The following ODAD3 variants were observed in gnomAD, a reference collection of about 807,000 sequenced individuals.
ODAD3 encodes the protein outer dynein arm docking complex subunit 3.
In ODAD3, 57 loss-of-function variants were observed where a neutral mutation model predicts 70.9. The ratio of observed to expected loss-of-function variants is 0.80; its 90% confidence interval spans 0.65 to 1.00. ODAD3 has a LOEUF of 1.00. Ranked by LOEUF, ODAD3 falls within the 50% of genes least tolerant of loss-of-function variation. The pLI, the probability that ODAD3 is intolerant of heterozygous loss-of-function variation, is 0.00. For missense variants in ODAD3, 797 were observed against 763.9 expected, an observed-to-expected ratio of 1.04 and a Z score of -0.51; for synonymous variants, 327 against 315.9, an observed-to-expected ratio of 1.04 and a Z score of -0.37.
rs368618743 is a variant in ODAD3, at chr19:11,430,798, C to A, written c.367-22G>T. ...CTCCCTGCAAGGAGGGAAGTCCAGT[C>A]ACCTTTCAGCATGCCACCTCCAGCT... On this transcript the variant is annotated intron_variant, in intron 2 of 12. Coordinates refer to ENST00000356392, the MANE Select transcript of ODAD3 (RefSeq NM_145045.5). 2.5e-6 allele frequency: 4 copies of A among 1,613,966 alleles called. No homozygotes were observed. The African/African-American group carries it at 5.3e-5, about 22-fold the overall frequency.
rs542233343 is a variant in ODAD3, at chr19:11,429,836, C to A, written c.444+863G>T. On this transcript the variant is annotated intron_variant, in intron 3 of 12. Transcript: ENST00000356392. ...TACGGGCGTGAGCCACCGCGCCCAG[C>A]CTTTTTTTTTTTTTTTTTTAAAGAA... Among the ~76,000 whole-genome samples, 522 of 149,244 alleles carry A rather than the reference C, an allele frequency of 3.5e-3. 3 individuals carry two copies. Among genetic ancestry groups the A allele is most frequent in the African/African-American group, 0.012 (496 of 40,082 alleles).
chr19:11,434,470 G>A (rs1337931885), intron 1 of ODAD3: 10 of 188,408 alleles, frequency 5.3e-5, no homozygotes, highest in African/African-American at 2.1e-4. Context: ...CCCGGGAGGC[G>A]GAGGTTGCAG....
intron 3 of ODAD3, 38 bp from the exon 4 acceptor site, chr19:11,427,078 A>C (rs1198291381): frequency 1.3e-6 from 2 of 1,513,726 alleles, no homozygotes; most frequent in South Asian, 1.2e-5. Flanking sequence ...GAGCCTCAAC[A>C]CCCTACCCCG....
intron 3 of ODAD3, among the ~76,000 whole-genome samples, chr19:11,428,393 C>T (rs1969431879): frequency 6.6e-6 from 1 of 152,156 alleles, no homozygotes; most frequent in South Asian, 2.1e-4. Flanking sequence ...AGATGCATGC[C>T]ACGACGCCTG....
At chr19:11,423,733 A>C (rs1969195761) in intron 8 of ODAD3, 144 bp downstream of exon 8, 1 of 789,844 alleles carries the variant, frequency 1.3e-6, no homozygotes, top group Non-Finnish European at 1.9e-6. Flanking sequence ...GATGTTTTTC[A>C]AGAAAGGAGC....
intron 1 of ODAD3, among the ~76,000 whole-genome samples, chr19:11,431,870 G>A (rs1354167076): frequency 2.7e-5 from 4 of 150,462 alleles, no homozygotes; most frequent in Non-Finnish European, 5.9e-5. Context: ...GTGAACCTGG[G>A]AGGCAGAGCT....
At chr19:11,425,063 GTA>G (rs1255934309) in intron 7 of ODAD3, among the ~76,000 whole-genome samples, 7 of 123,034 alleles carry the variant, frequency 5.7e-5, no homozygotes, top group South Asian at 4.8e-4. Context: ...GTGTATATGT[GTA>G]TATATGTATA....
At chr19:11,430,459 T>C in intron 3 of ODAD3, 1 of 523,088 alleles carries the variant, frequency 1.9e-6, no homozygotes. Context: ...TTTTTTAACT[T>C]GTTTTCCCTA....
At position 11,426,778 on chromosome 19, in the gene ODAD3, G is replaced by T; in HGVS notation, c.619C>A (p.Arg207=). 2 of 1,613,852 alleles carry T rather than the reference G, an allele frequency of 1.2e-6. No individual in the cohort carries two copies. The highest frequency in any genetic ancestry group is 1.7e-6 in the Non-Finnish European group (2 of 1,179,900). Residue 207 remains arginine, a synonymous_variant, in exon 5 of 13, where the codon CGG becomes AGG. Coordinates refer to ENST00000356392, the MANE Select transcript of ODAD3 (RefSeq NM_145045.5). ...TTCTCCAGGCGGTTCTCCAGGTTCC[G>T]CATGGTCTGGAGAGCAGCAGGGCTG... ...NRHTEVAKTM[R]NLENRLEKAQ...
rs117589644 is a variant in ODAD3 at position 11,429,934 on chromosome 19, C to T, written c.444+765G>A. ...CTCATTATAGTCTCAAACTTCTAGG[C>T]TCATGCAATCCTCCAGCCTCAGCCT... On this transcript the variant is annotated intron_variant, in intron 3 of 12. Coordinates refer to ENST00000356392, the MANE Select transcript of ODAD3 (RefSeq NM_145045.5). 4.5e-3 allele frequency among the ~76,000 whole-genome samples: 669 copies of T among 149,988 alleles called. 3 individuals are homozygous for T. The highest frequency in any genetic ancestry group is 7.2e-3 in the Non-Finnish European group (486 of 67,634).
At chr19:11,430,579 G>A (rs1334372508) in intron 3 of ODAD3, 120 bp downstream of exon 3, 3 of 907,452 alleles carry the variant, frequency 3.3e-6, no homozygotes, top group Non-Finnish European at 5.5e-6. Context: ...AGATTTAATT[G>A]AATGAGCACA....
chr19:11,421,684 T>A lies in ODAD3; in HGVS notation c.1583A>T (p.Asn528Ile), dbSNP rs375632703. The A allele has an allele frequency of 6.2e-7, 1 of 1,611,990 alleles. No homozygotes were observed. The highest frequency in any genetic ancestry group is 8.5e-7 in the Non-Finnish European group (1 of 1,179,122). ...CCCATGGCTGCAGGGCACCTCGCGG[T>A]TAGCGATGTGGCACAGCATCTCCTG... ...DVQEMLCHIA[N>I]REFLASLEGR... The change falls in exon 11 of 13, where the codon AAC (asparagine) becomes ATC (isoleucine). Residue 528 changes from asparagine to isoleucine, a missense_variant. Physicochemically the swap from Asn to Ile is moderately radical, Grantham distance 149. Coordinates refer to ENST00000356392, the MANE Select transcript of ODAD3 (RefSeq NM_145045.5).
upstream of ODAD3, chr19:11,435,528 T>G: frequency 2.1e-6 from 1 of 484,256 alleles, no homozygotes; most frequent in South Asian, 1.8e-5. Context: ...CCGTCTCGGC[T>G]CTGGCACCGC....
chr19:11,426,165 C>T lies in ODAD3; in HGVS notation c.942G>A (p.Glu314=). The T allele has an allele frequency of 6.2e-7, 1 of 1,611,974 alleles. No individual in the cohort carries two copies. The highest frequency in any genetic ancestry group is 8.5e-7 in the Non-Finnish European group (1 of 1,179,570). Residue 314 remains glutamate, a synonymous_variant, in exon 7 of 13, where the codon GAG becomes GAA. Coordinates refer to ENST00000356392, the MANE Select transcript of ODAD3 (RefSeq NM_145045.5). ...CCACCTTGCGCTCCATGCGCTCGTT[C>T]TCCAGTTTCTTCTCCTCGGCGCGCT... is the stretch of plus-strand genomic sequence containing the variant. ...CKKRAEEKKL[E]NERMERKTHR...
rs371374600 is a variant in ODAD3 at position 11,421,937 on chromosome 19, G to A, written c.1435-105C>T. ...TCGGGGGCGGGGCCTAGGAGGTAAGGGCCCACCTGCAGGGTCGATCCTAGC... is the reference window on the plus strand; with the variant it reads ...TCGGGGGCGGGGCCTAGGAGGTAAGAGCCCACCTGCAGGGTCGATCCTAGC... On this transcript the variant is annotated intron_variant, in intron 10 of 12. Transcript: ENST00000356392. 12 of 1,318,130 alleles carry A rather than the reference G, an allele frequency of 9.1e-6. 1 individual carries two copies. In the African/African-American group the frequency reaches 1.5e-4, roughly 16 times the overall value. The allele number at this position is 1,318,130 out of a possible 1,614,324, so 81.7% of individuals were successfully genotyped here. A position where few individuals can be genotyped will look rare whatever the true frequency, so the allele number is the denominator to read the frequency against.
In ODAD3 at chr19:11,426,866, C is replaced by G. The variant is rs752386903; in HGVS notation, c.612+7G>C. 3 of 1,610,258 alleles carry G rather than the reference C, an allele frequency of 1.9e-6. No homozygotes were observed. In the East Asian group the frequency reaches 6.7e-5, roughly 36 times the overall value. On this transcript the variant is annotated splice_region_variant and intron_variant, in intron 4 of 12. Transcript: ENST00000356392. ...CCCTCTGCCCTGCAGGCCTCACCCG[C>G]CCCTACCTTGGCCACCTCCGTGTGT...
At chr19:11,428,534 C>T (rs772260763) in intron 3 of ODAD3, among the ~76,000 whole-genome samples, 5 of 151,510 alleles carry the variant, frequency 3.3e-5, no homozygotes, top group Admixed American at 6.6e-5. Context: ...TGAGCCATCA[C>T]GCCCAGCCTT....
chr19:11,427,610 T>C (rs1969412445), intron 3 of ODAD3, among the ~76,000 whole-genome samples: 1 of 151,802 alleles, frequency 6.6e-6, no homozygotes, highest in Admixed American at 6.6e-5. Context: ...GCCTCCCAAG[T>C]AGCTGGGATT....
intron 11 of ODAD3, 105 bp from the exon 12 acceptor site, chr19:11,421,317 C>G (rs1197303381): frequency 2.7e-5 from 29 of 1,060,792 alleles, no homozygotes; most frequent in Non-Finnish European, 3.8e-5. Flanking sequence ...TGCCCTAGTT[C>G]CAACTGGAGA....
Sources: allele counts gnomAD v4.1 joint callset (sites outside exome capture counted in the v4.1 genomes callset), GRCh38; gene constraint gnomAD v4.1.1; transcripts MANE v1.5; gene names NCBI Gene and HGNC (gene_info 2026-07-23, HGNC 2026-07-21).